The following TSPAN15 variants were observed in gnomAD, a reference collection of about 807,000 sequenced individuals.
TSPAN15 encodes tetraspanin-15.
In TSPAN15, 20 loss-of-function variants were observed where a neutral mutation model predicts 34.5. That is an observed-to-expected ratio of 0.58 (90% confidence interval 0.41 to 0.84). The LOEUF (loss-of-function observed/expected upper bound fraction) is 0.84. Among genes scored for constraint, TSPAN15 ranks in the 40% least tolerant of loss-of-function variants. TSPAN15 has a pLI of 0.00. For missense variants in TSPAN15, 313 were observed against 386.1 expected (o/e 0.81, Z 1.59); for synonymous variants, 155 against 153.9 (o/e 1.01, Z -0.05).
the TSPAN15 span, among the ~76,000 whole-genome samples, chr10:69,532,568 A>G: frequency 2.0e-5 from 3 of 152,378 alleles, no homozygotes; most frequent in African/African-American, 4.8e-5. Flanking sequence ...ACTTGAAACT[A>G]TAAAAATTCT....
rs1842345773 is a variant in TSPAN15, at chr10:69,507,045, G to C, written c.*67G>C. On this transcript the variant is annotated 3_prime_UTR_variant, in exon 8 of 8. Transcript: ENST00000373290. ...ATAGCACCTCTCAGTCAACATCGTG[G>C]GGCTGGACAGGGCTGCGGCCCCTCT... is the stretch of plus-strand genomic sequence containing the variant. 1 of 1,561,072 alleles carries C rather than the reference G, an allele frequency of 6.4e-7. No individual in the cohort carries two copies.
chr10:69,455,625 T>TCCC lies in TSPAN15; in HGVS notation c.96+3942_96+3944dup, dbSNP rs140635415. Among the ~76,000 whole-genome samples, 329 of 82,846 alleles carry TCCC rather than the reference T, an allele frequency of 4.0e-3. 4 individuals are homozygous for TCCC. The highest frequency in any genetic ancestry group is 0.014 in the African/African-American group (290 of 20,288). 54.4% of individuals were successfully genotyped at this position (82,846 alleles called of 152,430 possible). On this transcript the variant is annotated intron_variant, in intron 1 of 7. Coordinates refer to ENST00000373290, the MANE Select transcript of TSPAN15 (RefSeq NM_012339.5). ...CTTTCTTTCTCTCTCTCTCTCTCTC[T>TCCC]CCCCCCCCCGTCTCTTTCTTTCTTC... is the stretch of plus-strand genomic sequence containing the variant.
At chr10:69,474,046 AC>A (rs1841561546) in intron 1 of TSPAN15, among the ~76,000 whole-genome samples, 1 of 152,134 alleles carries the variant, frequency 6.6e-6, no homozygotes, top group African/African-American at 2.4e-5. Context: ...TTGTGTAGAG[AC>A]AGTTTCTATA....
At chr10:69,536,482 G>A in the TSPAN15 span, among the ~76,000 whole-genome samples, 6 of 152,198 alleles carry the variant, frequency 3.9e-5, no homozygotes, top group Non-Finnish European at 8.8e-5. Context: ...GTATTCGTCT[G>A]CTAGGGCTGC....
At chr10:69,533,575 G>A in the TSPAN15 span, among the ~76,000 whole-genome samples, 1 of 152,060 alleles carries the variant, frequency 6.6e-6, no homozygotes, top group East Asian at 1.9e-4. Flanking sequence ...TATACTGCTG[G>A]GATGATGGGT....
the TSPAN15 span, among the ~76,000 whole-genome samples, chr10:69,517,576 A>G: frequency 6.6e-6 from 1 of 152,116 alleles, no homozygotes; most frequent in African/African-American, 2.4e-5. Context: ...CCACCTGGAT[A>G]GAGAGTGGGC....
At chr10:69,524,929 T>G in the TSPAN15 span, among the ~76,000 whole-genome samples, 1 of 147,154 alleles carries the variant, frequency 6.8e-6, no homozygotes, top group Non-Finnish European at 1.5e-5. Flanking sequence ...TACAGGCTCC[T>G]GCCACCACGC....
the TSPAN15 span, among the ~76,000 whole-genome samples, chr10:69,514,300 C>A: frequency 1.3e-5 from 2 of 152,006 alleles, no homozygotes; most frequent in East Asian, 1.9e-4. Context: ...ATTTTTGCAC[C>A]TTTGTTTAGG....
the TSPAN15 span, among the ~76,000 whole-genome samples, chr10:69,540,391 A>G: frequency 6.6e-6 from 1 of 152,172 alleles, no homozygotes. Context: ...GCCCATGCAC[A>G]GCTTAAAATC....
chr10:69,506,870 G>A lies in TSPAN15; in HGVS notation c.777G>A (p.Val259=), dbSNP rs1842338083. The change falls in exon 8 of 8, where the codon GTG becomes GTA. Residue 259 remains valine, a synonymous_variant. Transcript: ENST00000373290. The surrounding 1 kb of genome is among the most constrained non-coding windows in gnomAD (Gnocchi z 4.7). Reference sequence around the variant, plus strand: ...TGACGCTGCTGTACATCACCCGGGTGGAGGACATCATCATGGAGCACTCTG... The same window carrying A: ...TGACGCTGCTGTACATCACCCGGGTAGAGGACATCATCATGGAGCACTCTG... ...VLLTLLYITR[V]EDIIMEHSVT... 1 of 1,601,546 alleles carries A rather than the reference G, an allele frequency of 6.2e-7. No individual in the cohort carries two copies. The highest frequency in any genetic ancestry group is 8.5e-7 in the Non-Finnish European group (1 of 1,174,680).
At chr10:69,455,600 C>CTTTT (rs1159008620) in intron 1 of TSPAN15, among the ~76,000 whole-genome samples, 1 of 117,664 alleles carries the variant, frequency 8.5e-6, no homozygotes, top group African/African-American at 3.4e-5. Context: ...CTCTTTCTTT[C>CTTTT]TTTCTTTCTC....
downstream of TSPAN15, among the ~76,000 whole-genome samples, chr10:69,511,405 G>A (rs1394864799): frequency 6.6e-6 from 1 of 152,158 alleles, no homozygotes; most frequent in East Asian, 1.9e-4. Flanking sequence ...TTGTATTTCT[G>A]TGGGATCAGT....
chr10:69,537,584 GT>G, the TSPAN15 span, among the ~76,000 whole-genome samples: 6 of 152,132 alleles, frequency 3.9e-5, no homozygotes, highest in Non-Finnish European at 8.8e-5. Flanking sequence ...TTCACATGGC[GT>G]TTCCCCTTTT....
At chr10:69,539,517 G>A in the TSPAN15 span, among the ~76,000 whole-genome samples, 14 of 109,760 alleles carry the variant, frequency 1.3e-4, no homozygotes, top group African/African-American at 4.7e-4. Flanking sequence ...AGAAGAAGAA[G>A]AAGAAGAAGA....
In TSPAN15 at chr10:69,506,405, G is replaced by A. The variant is rs924194878; in HGVS notation, c.735+165G>A. ...GGCAAATGGCAATAGCAGTCGTGGC[G>A]AAGCTCTTCCAAGTGCTGCGCAGGC... On this transcript the variant is annotated intron_variant, in intron 7 of 7. Transcript: ENST00000373290. This position sits in a 1 kb window ranked among gnomAD's most constrained non-coding sequence, Gnocchi z 4.7. 3.1e-6 allele frequency: 2 copies of A among 648,372 alleles called. No homozygotes were observed. The highest frequency in any genetic ancestry group is 5.4e-6 in the Non-Finnish European group (2 of 372,866). The allele number at this position is 648,372 out of a possible 1,614,324, so 40.2% of individuals were successfully genotyped here. A position where few individuals can be genotyped will look rare whatever the true frequency, so the allele number is the denominator to read the frequency against.
the TSPAN15 span, among the ~76,000 whole-genome samples, chr10:69,530,806 CTCTCTCTCTCTCTCTATATA>C: frequency 4.6e-3 from 317 of 68,926 alleles, 1 homozygote; most frequent in Non-Finnish European, 7.0e-3. Flanking sequence ...CTCTCTCTCT[CTCTCTCTCTCTCTCTATATA>C]TATATATATA....
chr10:69,536,742 TGA>T, the TSPAN15 span, among the ~76,000 whole-genome samples: 1 of 152,000 alleles, frequency 6.6e-6, no homozygotes, highest in Non-Finnish European at 1.5e-5. Flanking sequence ...CCCAACACAT[TGA>T]GAGGACGAGG....
intron 1 of TSPAN15, among the ~76,000 whole-genome samples, chr10:69,465,474 C>CTAGA (rs909036836): frequency 1.6e-4 from 25 of 152,204 alleles, no homozygotes; most frequent in African/African-American, 5.8e-4. Flanking sequence ...CTGGGTTGTG[C>CTAGA]CTTCTGCATC....
the TSPAN15 span, among the ~76,000 whole-genome samples, chr10:69,538,302 G>T: frequency 6.6e-6 from 1 of 152,332 alleles, no homozygotes; most frequent in African/African-American, 2.4e-5. Flanking sequence ...GGTAAGAGGT[G>T]ATGACCCTGT....
Sources: gnomAD v4.1 joint callset for allele counts (sites outside exome capture counted in the v4.1 genomes callset) on GRCh38, gnomAD v4.1.1 for gene constraint, Gnocchi (gnomAD v3.1) non-coding constraint, MANE v1.5 for transcripts, NCBI Gene and HGNC (gene_info 2026-07-23, HGNC 2026-07-21) for gene names.